Variants in ZNF274 observed in about 807,000 individuals in gnomAD.
The protein encoded by ZNF274 is zinc finger protein 274.
ZNF274 carries 23 observed loss-of-function variants against 42.5 expected under a neutral mutation model. That is an observed-to-expected ratio of 0.54 (90% confidence interval 0.39 to 0.77). The LOEUF (loss-of-function observed/expected upper bound fraction) is 0.77, where lower values mean the gene tolerates loss of function less well. Ranked by LOEUF, ZNF274 falls within the 30% of genes least tolerant of loss-of-function variation. The pLI, the probability that ZNF274 is intolerant of heterozygous loss-of-function variation, is 0.00. For synonymous variants in ZNF274, 292 were observed against 305.4 expected, an observed-to-expected ratio of 0.96 and a Z score of 0.46; for missense variants, 679 against 806.5, an observed-to-expected ratio of 0.84 and a Z score of 1.91.
At position 58,210,085 on chromosome 19, in the gene ZNF274, G is replaced by A. The variant is rs765827640; in HGVS notation, c.852+12G>A. 6 of 1,610,090 alleles carry A rather than the reference G, an allele frequency of 3.7e-6. No individual in the cohort carries two copies. Among genetic ancestry groups the A allele is most frequent in the Non-Finnish European group, 4.2e-6 (5 of 1,176,958 alleles). On this transcript the variant is annotated intron_variant, in intron 6 of 7. Coordinates refer to ENST00000617501, the MANE Select transcript of ZNF274 (RefSeq NM_133502.3). ...CAGTGCTCCCTGAGGTAAGCGGGGA[G>A]TATCACCCTGTTTTGGTCACAGCAT...
At chr19:58,194,526 C>T (rs935719280) in intron 4 of ZNF274, among the ~76,000 whole-genome samples, 1 of 151,424 alleles carries the variant, frequency 6.6e-6, no homozygotes, top group East Asian at 2.0e-4. Flanking sequence ...CTACAGGCAC[C>T]TGCCACCACA....
chr19:58,191,549 C>T (rs2075779334), intron 4 of ZNF274, among the ~76,000 whole-genome samples: 1 of 152,212 alleles, frequency 6.6e-6, no homozygotes, highest in Non-Finnish European at 1.5e-5. Context: ...GGGCAAACCT[C>T]CAGGCCATAC....
rs1005706321 is a variant in ZNF274, at chr19:58,183,830, G to A, written c.-45-91G>A. 24 of 835,646 alleles carry A rather than the reference G, an allele frequency of 2.9e-5. No homozygotes were observed. In the Admixed American group the frequency reaches 6.1e-4, roughly 21 times the overall value. The allele number at this position is 835,646 out of a possible 1,614,324, so 51.8% of individuals were successfully genotyped here. A position where few individuals can be genotyped will look rare whatever the true frequency, so the allele number is the denominator to read the frequency against. On this transcript the variant is annotated intron_variant, in intron 1 of 7. Coordinates refer to ENST00000617501, the MANE Select transcript of ZNF274 (RefSeq NM_133502.3). ...AGTTTGGGTGGACTTGTCATTTCCC[G>A]CTGAGGGAGCCGTTCCTGGGCGGAG...
Position 58,212,591 on chromosome 19 carries a change from G to A in ZNF274, c.1410G>A (p.Gln470=). Residue 470 remains glutamine (Q), a synonymous_variant, in exon 8 of 8, where the codon CAG becomes CAA. Transcript: ENST00000617501. The surrounding 1 kb of genome is among the most constrained non-coding windows in gnomAD (Gnocchi z 4.6). ...ATAATTCACGTGTAAAAATTCATCAGAAGAGCTGTGAAAGGCAAAAGGCCA... is the reference window on the plus strand; with the variant it reads ...ATAATTCACGTGTAAAAATTCATCAAAAGAGCTGTGAAAGGCAAAAGGCCA... ...MKHNSRVKIH[Q]KSCERQKAKE... 1 of 1,614,022 alleles carries A rather than the reference G, an allele frequency of 6.2e-7. No individual in the cohort carries two copies.
chr19:58,210,353 G>T, intron 6 of ZNF274: 1 of 288,690 alleles, frequency 3.5e-6, no homozygotes, highest in South Asian at 5.0e-5. Context: ...GACTTGAGAG[G>T]TGGAACTACC....
intron 4 of ZNF274, among the ~76,000 whole-genome samples, chr19:58,203,172 C>A (rs75550625): frequency 5.1e-4 from 77 of 152,258 alleles, no homozygotes; most frequent in East Asian, 4.1e-3. Context: ...TTAGCCCCCC[C>A]CCAGGAAGTA....
intron 4 of ZNF274, among the ~76,000 whole-genome samples, chr19:58,192,953 G>A (rs917364142): frequency 1.3e-5 from 2 of 151,856 alleles, no homozygotes; most frequent in African/African-American, 2.4e-5. Flanking sequence ...GGCTGGTATC[G>A]AGCTTGCCTC....
chr19:58,200,028 A>G (rs889055017), intron 4 of ZNF274, among the ~76,000 whole-genome samples: 30 of 152,220 alleles, frequency 2.0e-4, no homozygotes, highest in East Asian at 1.9e-4. Context: ...AGTCCCTGAC[A>G]TGGGCTTGGC....
At chr19:58,197,106 C>T (rs969529310) in intron 4 of ZNF274, among the ~76,000 whole-genome samples, 7 of 152,200 alleles carry the variant, frequency 4.6e-5, no homozygotes, top group African/African-American at 1.4e-4. Flanking sequence ...CCTTATTCAG[C>T]ATCACAGAAG....
At chr19:58,197,583 A>C (rs1168330880) in intron 4 of ZNF274, among the ~76,000 whole-genome samples, 2 of 152,234 alleles carry the variant, frequency 1.3e-5, no homozygotes, top group African/African-American at 4.8e-5. Flanking sequence ...TGACTGAATT[A>C]CTAGGAACTC....
chr19:58,191,164 A>T (rs1268861946), intron 4 of ZNF274, among the ~76,000 whole-genome samples: 1 of 152,150 alleles, frequency 6.6e-6, no homozygotes, highest in Admixed American at 6.5e-5. Context: ...TTTGAGACAG[A>T]GTCTCACTCT....
chr19:58,194,205 ATG>A (rs1462633978), intron 4 of ZNF274, among the ~76,000 whole-genome samples: 2 of 151,694 alleles, frequency 1.3e-5, no homozygotes, highest in East Asian at 1.9e-4. Flanking sequence ...TTTCAAAAAT[ATG>A]TGTGTGTGTG....
chr19:58,196,065 G>A (rs1225343355), intron 4 of ZNF274, among the ~76,000 whole-genome samples: 2 of 152,220 alleles, frequency 1.3e-5, no homozygotes, highest in African/African-American at 4.8e-5. Flanking sequence ...GCAATGTAGG[G>A]AAAATAGGTG....
At chr19:58,186,685 C>CA (rs1465017793) in intron 3 of ZNF274, among the ~76,000 whole-genome samples, 1 of 152,162 alleles carries the variant, frequency 6.6e-6, no homozygotes, top group Non-Finnish European at 1.5e-5. Context: ...TCACAGCTGT[C>CA]ATGTTTAACC....
At chr19:58,196,367 C>T (rs916558377) in intron 4 of ZNF274, among the ~76,000 whole-genome samples, 1 of 152,088 alleles carries the variant, frequency 6.6e-6, no homozygotes, top group Non-Finnish European at 1.5e-5. Context: ...TTGAGACCAA[C>T]CTGGGCAACA....
At chr19:58,194,092 G>A (rs1190873810) in intron 4 of ZNF274, among the ~76,000 whole-genome samples, 1 of 152,048 alleles carries the variant, frequency 6.6e-6, no homozygotes, top group African/African-American at 2.4e-5. Flanking sequence ...GTGAATACAA[G>A]TCTCTGCAAA....
intron 4 of ZNF274, among the ~76,000 whole-genome samples, chr19:58,189,991 T>C (rs2445856): frequency 0.63 from 94,988 of 151,428 alleles, 30,394 homozygotes; most frequent in African/African-American, 0.74. Context: ...GGCGTGGTGG[T>C]TCGCACCTGT....
chr19:58,195,851 A>G (rs2075835553), intron 4 of ZNF274, among the ~76,000 whole-genome samples: 1 of 152,198 alleles, frequency 6.6e-6, no homozygotes, highest in Non-Finnish European at 1.5e-5. Context: ...GTGAGAGTCC[A>G]GTGCCACTGC....
chr19:58,212,289 A>G lies in ZNF274; in HGVS notation c.1108A>G (p.Thr370Ala). 6.2e-7 allele frequency: 1 copy of G among 1,614,026 alleles called. No homozygotes were observed. The highest frequency in any genetic ancestry group is 8.5e-7 in the Non-Finnish European group (1 of 1,179,896). The stretch of plus-strand genomic sequence containing the variant: ...TGCCTTGTCCTCTACATTAGAAGAT[A>G]CCTTGCAGGGTGGGGTCCAGGAAGT... Reference protein sequence around the residue: ...DCALSSTLEDTLQGGVQEVQD... With the variant: ...DCALSSTLEDALQGGVQEVQD... The change falls in exon 8 of 8, where the codon ACC becomes GCC. Residue 370 changes from threonine (T) to alanine (A), a missense_variant. Thr to Ala is a moderately conservative substitution (Grantham distance 58). Coordinates refer to ENST00000617501, the MANE Select transcript of ZNF274 (RefSeq NM_133502.3). The surrounding 1 kb of genome is among the most constrained non-coding windows in gnomAD (Gnocchi z 4.6).
Sources: allele counts gnomAD v4.1 joint callset (sites outside exome capture counted in the v4.1 genomes callset), GRCh38; gene constraint gnomAD v4.1.1; non-coding constraint Gnocchi (gnomAD v3.1); transcripts MANE v1.5; gene names NCBI Gene and HGNC (gene_info 2026-07-23, HGNC 2026-07-21).